ITGB6: variants seen among roughly 807,000 people sequenced by gnomAD.
The protein encoded by ITGB6 is integrin beta-6.
A neutral mutation model predicts 84.5 loss-of-function variants in ITGB6; 80 were observed. The ratio of observed to expected loss-of-function variants is 0.95; its 90% confidence interval spans 0.79 to 1.14. The LOEUF (loss-of-function observed/expected upper bound fraction) is 1.14, where lower values mean the gene tolerates loss of function less well. Among genes scored for constraint, ITGB6 ranks in the 50% most tolerant of loss-of-function variants. The pLI, the probability that ITGB6 is intolerant of heterozygous loss-of-function variation, is 0.00. For missense variants in ITGB6, 1,006 were observed against 968.0 expected, an observed-to-expected ratio of 1.04 and a Z score of -0.52; for synonymous variants, 383 against 354.9, an observed-to-expected ratio of 1.08 and a Z score of -0.89.
intron 4 of ITGB6, among the ~76,000 whole-genome samples, chr2:160,188,261 T>C (rs1400816993): frequency 6.6e-6 from 1 of 152,218 alleles, no homozygotes; most frequent in East Asian, 1.9e-4. Flanking sequence ...TGTATATGTA[T>C]GTATGTGTGT....
chr2:160,129,143 G>A (rs1420997999), intron 10 of ITGB6, among the ~76,000 whole-genome samples: 1 of 152,036 alleles, frequency 6.6e-6, no homozygotes, highest in African/African-American at 2.4e-5. Context: ...TGTTAAAGAG[G>A]GAGGCACCTG....
chr2:160,136,163 A>C (rs963784153), intron 10 of ITGB6, among the ~76,000 whole-genome samples: 3 of 152,222 alleles, frequency 2.0e-5, no homozygotes, highest in Non-Finnish European at 4.4e-5. Flanking sequence ...CATCTGACAA[A>C]GGGCTAACAT....
chr2:160,187,139 A>T (rs1178495876), intron 4 of ITGB6, among the ~76,000 whole-genome samples: 2 of 152,124 alleles, frequency 1.3e-5, no homozygotes, highest in Non-Finnish European at 2.9e-5. Flanking sequence ...AGAAAAAAAC[A>T]ATACTTCTCA....
intron 10 of ITGB6, among the ~76,000 whole-genome samples, chr2:160,134,593 A>G (rs965869276): frequency 1.3e-5 from 2 of 152,182 alleles, no homozygotes; most frequent in African/African-American, 4.8e-5. Context: ...CCTGGCAGAG[A>G]CACAACTAAA....
chr2:160,197,922 C>A (rs1470382758), intron 2 of ITGB6, among the ~76,000 whole-genome samples: 1 of 152,242 alleles, frequency 6.6e-6, no homozygotes, highest in East Asian at 1.9e-4. Context: ...CTCATAACTA[C>A]TTCTAATATT....
intron 10 of ITGB6, among the ~76,000 whole-genome samples, chr2:160,134,518 C>G (rs1318296632): frequency 6.6e-6 from 1 of 152,092 alleles, no homozygotes; most frequent in African/African-American, 2.4e-5. Context: ...CTATTCCAAT[C>G]AATAGAAAAA....
At chr2:160,139,133 C>G (rs1683890037) in intron 8 of ITGB6, among the ~76,000 whole-genome samples, 1 of 152,128 alleles carries the variant, frequency 6.6e-6, no homozygotes, top group African/African-American at 2.4e-5. Flanking sequence ...TTCTCTATTC[C>G]TTGTTCACTT....
chr2:160,131,792 C>T (rs1683479655), intron 10 of ITGB6, among the ~76,000 whole-genome samples: 1 of 152,176 alleles, frequency 6.6e-6, no homozygotes, highest in Non-Finnish European at 1.5e-5. Flanking sequence ...CTGTAGCAAT[C>T]ACTGTACCTG....
At position 160,196,178 on chromosome 2, in the gene ITGB6, A is replaced by T. The variant is rs770669977; in HGVS notation, c.346+38T>A. Reference sequence around the variant, plus strand: ...CAAGGTAGCAGAATTACCATATATGACATTAGATCTATTTACATGAGCCAA... The same window carrying T: ...CAAGGTAGCAGAATTACCATATATGTCATTAGATCTATTTACATGAGCCAA... On this transcript the variant is annotated intron_variant, in intron 3 of 14. Transcript: ENST00000283249. 5 of 1,511,356 alleles carry T rather than the reference A, an allele frequency of 3.3e-6. No homozygotes were observed. The African/African-American group carries it at 6.9e-5, about 21-fold the overall frequency. 93.6% of individuals were successfully genotyped at this position (1,511,356 alleles called of 1,614,324 possible).
chr2:160,121,032 C>T (rs1683015290), intron 12 of ITGB6, among the ~76,000 whole-genome samples: 1 of 150,838 alleles, frequency 6.6e-6, no homozygotes, highest in Non-Finnish European at 1.5e-5. Flanking sequence ...GCACATTGTG[C>T]ACATGTACCC....
At chr2:160,141,107 G>A (rs868858322) in intron 8 of ITGB6, among the ~76,000 whole-genome samples, 2 of 152,162 alleles carry the variant, frequency 1.3e-5, no homozygotes, top group Middle Eastern at 3.4e-3. Flanking sequence ...CAAAAATCAG[G>A]AGAATTGTTA....
At chr2:160,133,809 C>A (rs551528795) in intron 10 of ITGB6, among the ~76,000 whole-genome samples, 7 of 152,050 alleles carry the variant, frequency 4.6e-5, no homozygotes, top group African/African-American at 1.7e-4. Context: ...ATGACTACTG[C>A]GTACATAACA....
At chr2:160,135,091 A>G (rs1472930090) in intron 10 of ITGB6, among the ~76,000 whole-genome samples, 1 of 151,896 alleles carries the variant, frequency 6.6e-6, no homozygotes. Context: ...AGGGTATTCA[A>G]TTAGGAAAAG....
intron 8 of ITGB6, among the ~76,000 whole-genome samples, chr2:160,139,340 A>T (rs1349688204): frequency 2.0e-5 from 3 of 152,118 alleles, no homozygotes; most frequent in African/African-American, 7.2e-5. Flanking sequence ...GTAATTTTTT[A>T]AAAATTTGTT....
chr2:160,181,704 C>A (rs901153959), intron 4 of ITGB6, among the ~76,000 whole-genome samples: 3 of 152,160 alleles, frequency 2.0e-5, no homozygotes, highest in Non-Finnish European at 4.4e-5. Flanking sequence ...GAGACACATC[C>A]CAGCAGGGAT....
In ITGB6 at chr2:160,196,348, A is replaced by C; in HGVS notation, c.214T>G (p.Leu72Val). The C allele has an allele frequency of 6.2e-7, 1 of 1,614,044 alleles. No homozygotes were observed. The highest frequency in any genetic ancestry group is 8.5e-7 in the Non-Finnish European group (1 of 1,179,964). The change falls in exon 3 of 15, where the codon TTA becomes GTA. Residue 72 changes from leucine (L) to valine (V), a missense_variant. Transcript: ENST00000283249. ...GAGACAGGGTTTTCGATGAAGTTTAATTGACATCCTTTAGCTAAAAGGTTT... is the reference window on the plus strand; with the variant it reads ...GAGACAGGGTTTTCGATGAAGTTTACTTGACATCCTTTAGCTAAAAGGTTT... ...PANLLAKGCQLNFIENPVSQV... is the reference protein window; with the variant it reads ...PANLLAKGCQVNFIENPVSQV...
At chr2:160,152,340 A>T (rs1667485307) in intron 7 of ITGB6, among the ~76,000 whole-genome samples, 1 of 152,232 alleles carries the variant, frequency 6.6e-6, no homozygotes, top group Non-Finnish European at 1.5e-5. Flanking sequence ...AGAATCAATG[A>T]CAAAAACCAC....
chr2:160,156,778 C>T (rs746504381), intron 7 of ITGB6, among the ~76,000 whole-genome samples: 9 of 152,190 alleles, frequency 5.9e-5, no homozygotes, highest in African/African-American at 9.7e-5. Context: ...GGGCTGAACC[C>T]ATACACTCAT....
At chr2:160,132,077 C>T (rs188009909) in intron 10 of ITGB6, among the ~76,000 whole-genome samples, 27 of 152,158 alleles carry the variant, frequency 1.8e-4, no homozygotes, top group African/African-American at 4.6e-4. Flanking sequence ...GTGTTTTGAA[C>T]ATGTATTTTA....
Sources: gnomAD v4.1 joint callset for allele counts (sites outside exome capture counted in the v4.1 genomes callset) on GRCh38, gnomAD v4.1.1 for gene constraint, MANE v1.5 for transcripts, NCBI Gene and HGNC (gene_info 2026-07-23, HGNC 2026-07-21) for gene names.